Variants in PRR14L observed in about 807,000 individuals in gnomAD.
PRR14L encodes the protein protein PRR14L.
In PRR14L, 80 loss-of-function variants were observed where a neutral mutation model predicts 155.0. The observed-to-expected ratio is 0.52, with a 90% confidence interval of 0.43 to 0.62. PRR14L has a LOEUF of 0.62. PRR14L is among the 20% of genes least tolerant of loss of function. PRR14L has a pLI of 0.00. For missense variants in PRR14L, 2,469 were observed against 2,548.0 expected (o/e 0.97, Z 0.67); for synonymous variants, 883 against 916.0 (o/e 0.96, Z 0.65).
chr22:31,714,965 T>C lies in PRR14L; in HGVS notation c.2874A>G (p.Ser958=). ...CTGCCTTCTGATCGAGTGTTTCAACTGATTTTACATTTTTAAAACTGGAGA... is the reference window on the plus strand; with the variant it reads ...CTGCCTTCTGATCGAGTGTTTCAACCGATTTTACATTTTTAAAACTGGAGA... The part of the protein sequence containing the change: ...VMFSSFKNVK[S]VETLDQKADE... The change falls in exon 4 of 9, where the codon TCA becomes TCG. Residue 958 remains serine, a synonymous_variant. Transcript: ENST00000327423. 1 of 1,552,150 alleles carries C rather than the reference T, an allele frequency of 6.4e-7. No individual in the cohort carries two copies. The highest frequency in any genetic ancestry group is 8.7e-7 in the Non-Finnish European group (1 of 1,147,080).
At chr22:31,697,052 T>A (rs1329443499) in intron 7 of PRR14L, among the ~76,000 whole-genome samples, 1 of 151,866 alleles carries the variant, frequency 6.6e-6, no homozygotes, top group East Asian at 1.9e-4. Flanking sequence ...AAGGCAGAGG[T>A]TGCCATGAGC....
chr22:31,740,661 C>G (rs2074807913), intron 1 of PRR14L, among the ~76,000 whole-genome samples: 1 of 152,102 alleles, frequency 6.6e-6, no homozygotes, highest in African/African-American at 2.4e-5. Flanking sequence ...ATGCCTGACC[C>G]ACACTTTCAT....
At position 31,714,350 on chromosome 22, in the gene PRR14L, T is replaced by C. The variant is rs762561884; in HGVS notation, c.3489A>G (p.Glu1163=). 3.9e-6 allele frequency: 6 copies of C among 1,551,592 alleles called. No homozygotes were observed. Among genetic ancestry groups the C allele is most frequent in the Non-Finnish European group, 5.2e-6 (6 of 1,146,988 alleles). The change falls in exon 4 of 9, where the codon GAA becomes GAG. Residue 1163 remains glutamate, a synonymous_variant. Transcript: ENST00000327423. The part of the protein sequence containing the change: ...AHEMESVADH[E]PNKRILGRVN... ...CTCTGCCCAATATTCTTTTATTTGG[T>C]TCATGATCTGCAACAGACTCCATCT... is the stretch of plus-strand genomic sequence containing the variant.
intron 4 of PRR14L, among the ~76,000 whole-genome samples, chr22:31,710,068 G>C (rs764725391): frequency 6.6e-6 from 1 of 152,062 alleles, no homozygotes; most frequent in Non-Finnish European, 1.5e-5. Flanking sequence ...AGCCTTTTGA[G>C]TAGCTGGGAC....
rs1016104525 is a variant in PRR14L, at chr22:31,736,929, T to G, written c.474+1458A>C. 5.4e-5 allele frequency among the ~76,000 whole-genome samples: 8 copies of G among 148,478 alleles called. No homozygotes were observed. The Admixed American group carries it at 5.5e-4, about 10-fold the overall frequency. On this transcript the variant is annotated intron_variant, in intron 2 of 8. Transcript: ENST00000327423. ...GGCCAGCGCCTGTAATCCCAGCTATTCAGGAGGCTGAGGCAGGCGAATTGC... is the reference window on the plus strand; with the variant it reads ...GGCCAGCGCCTGTAATCCCAGCTATGCAGGAGGCTGAGGCAGGCGAATTGC...
intron 2 of PRR14L, among the ~76,000 whole-genome samples, chr22:31,737,480 C>CA (rs1190086333): frequency 6.9e-6 from 1 of 145,980 alleles, no homozygotes; most frequent in Non-Finnish European, 1.5e-5. Context: ...GACTCTGTCT[C>CA]AAAAAAAAGA....
chr22:31,689,596 G>A (rs1019742361), intron 7 of PRR14L, among the ~76,000 whole-genome samples: 13 of 152,066 alleles, frequency 8.5e-5, no homozygotes, highest in Admixed American at 7.2e-4. Flanking sequence ...ACAGGGTCTT[G>A]TGCTGTCACC....
At chr22:31,687,545 G>C (rs1313622524) in intron 8 of PRR14L, among the ~76,000 whole-genome samples, 4 of 150,018 alleles carry the variant, frequency 2.7e-5, no homozygotes, top group Non-Finnish European at 4.4e-5. Context: ...AGTAGAGACA[G>C]GGTTCACCAT....
rs2147848597 is a variant in PRR14L at position 31,683,059 on chromosome 22, T to G, written c.*2468A>C. On this transcript the variant is annotated 3_prime_UTR_variant, in exon 9 of 9. Transcript: ENST00000327423. ...CAGGGGAAGGGACCTAGCTAGAGGG[T>G]AGGTCCAGAATTTCAACGACGGGCA... 1 of 152,206 alleles carries G rather than the reference T, an allele frequency of 6.6e-6. No homozygotes were observed. Among genetic ancestry groups the G allele is most frequent in the East Asian group, 1.9e-4 (1 of 5,178 alleles). 9.4% of individuals were successfully genotyped at this position (152,206 alleles called of 1,614,324 possible). A position where few individuals can be genotyped will look rare whatever the true frequency, so the allele number is the denominator to read the frequency against.
intron 2 of PRR14L, among the ~76,000 whole-genome samples, chr22:31,736,118 C>T (rs559563483): frequency 2.7e-5 from 4 of 149,718 alleles, no homozygotes; most frequent in Non-Finnish European, 4.4e-5. Context: ...ACTCAGGAGG[C>T]TGAGGCAGGA....
At chr22:31,744,229 T>G (rs1223619517) in intron 1 of PRR14L, among the ~76,000 whole-genome samples, 1 of 151,110 alleles carries the variant, frequency 6.6e-6, no homozygotes, top group Non-Finnish European at 1.5e-5. Flanking sequence ...ACCTCCCAGG[T>G]TCAAGAGATT....
At chr22:31,701,346 T>C (rs1337995003) in intron 7 of PRR14L, among the ~76,000 whole-genome samples, 3 of 152,168 alleles carry the variant, frequency 2.0e-5, no homozygotes, top group Non-Finnish European at 4.4e-5. Context: ...TCCAGTTTAG[T>C]GCACAGAGTA....
chr22:31,709,925 A>AGC, intron 4 of PRR14L, among the ~76,000 whole-genome samples: 1 of 151,462 alleles, frequency 6.6e-6, no homozygotes, highest in Non-Finnish European at 1.5e-5. Context: ...GAGCCACCGT[A>AGC]GCCAGCCTGT....
intron 6 of PRR14L, among the ~76,000 whole-genome samples, chr22:31,703,199 T>C (rs930070051): frequency 6.6e-6 from 1 of 152,222 alleles, no homozygotes; most frequent in East Asian, 1.9e-4. Flanking sequence ...ACTGTCAACA[T>C]GAAAGTTTGC....
At chr22:31,737,813 G>C (rs2074790434) in intron 2 of PRR14L, among the ~76,000 whole-genome samples, 1 of 151,908 alleles carries the variant, frequency 6.6e-6, no homozygotes, top group South Asian at 2.1e-4. Context: ...AGGAGTTCGA[G>C]ACCAGCCTGG....
intron 2 of PRR14L, among the ~76,000 whole-genome samples, chr22:31,729,496 C>G (rs565998120): frequency 2.0e-5 from 3 of 152,144 alleles, no homozygotes; most frequent in Non-Finnish European, 4.4e-5. Flanking sequence ...GGATTACAGG[C>G]GTGAGCCACC....
At position 31,714,954 on chromosome 22, in the gene PRR14L, A is replaced by G. The variant is rs767247843; in HGVS notation, c.2885T>C (p.Leu962Pro). The change falls in exon 4 of 9, where the codon CTC becomes CCC. Residue 962 changes from leucine to proline, a missense_variant. By Grantham distance (98) the Leu-to-Pro change is moderately conservative (BLOSUM62 -3). Around this residue, in one of 2 missense-constraint regions of PRR14L, gnomAD observed 2,363 missense variants for 2,371.6 expected, o/e 1.00. Transcript: ENST00000327423. ...SFKNVKSVET[L>P]DQKADEVLDC... ...AAGGACTTCATCTGCCTTCTGATCGAGTGTTTCAACTGATTTTACATTTTT... is the reference window on the plus strand; with the variant it reads ...AAGGACTTCATCTGCCTTCTGATCGGGTGTTTCAACTGATTTTACATTTTT... 24 of 1,552,064 alleles carry G rather than the reference A, an allele frequency of 1.5e-5. No homozygotes were observed. The highest frequency in any genetic ancestry group is 1.9e-5 in the Non-Finnish European group (22 of 1,147,044).
rs567602929 is a variant in PRR14L, at chr22:31,708,641, T to G, written c.5756+3442A>C. On this transcript the variant is annotated intron_variant, in intron 4 of 8. Transcript: ENST00000327423. Reference sequence around the variant, plus strand: ...CATGCCTGGCCACCAGCAGTCTTGTTGCTGTTGAAATTTTCTTGAGACAGA... The same window carrying G: ...CATGCCTGGCCACCAGCAGTCTTGTGGCTGTTGAAATTTTCTTGAGACAGA... Among the ~76,000 whole-genome samples, 19 of 151,002 alleles carry G rather than the reference T, an allele frequency of 1.3e-4. No homozygotes were observed. In the South Asian group the frequency reaches 3.4e-3, roughly 27 times the overall value.
At chr22:31,737,410 G>A (rs567137298) in intron 2 of PRR14L, among the ~76,000 whole-genome samples, 1 of 151,978 alleles carries the variant, frequency 6.6e-6, no homozygotes, top group East Asian at 1.9e-4. Context: ...GAACCTGGGA[G>A]GCAGAGGTTG....
Sources: gnomAD v4.1 joint callset for allele counts (sites outside exome capture counted in the v4.1 genomes callset) on GRCh38, gnomAD v4.1.1 for gene constraint, gnomAD v4.1.1 regional missense constraint, MANE v1.5 for transcripts, NCBI Gene and HGNC (gene_info 2026-07-23, HGNC 2026-07-21) for gene names.